Variants in VTI1A observed in about 807,000 individuals in gnomAD.
The protein encoded by VTI1A is vesicle transport through interaction with t-SNAREs 1A.
VTI1A carries 22 observed loss-of-function variants against 34.9 expected under a neutral mutation model. The ratio of observed to expected loss-of-function variants is 0.63; its 90% CI spans 0.45 to 0.90. The LOEUF is 0.90. Ranked by LOEUF, VTI1A falls within the 40% of genes least tolerant of loss-of-function variation. The pLI is 0.00. For synonymous variants in VTI1A, 87 were observed against 97.3 expected (o/e 0.89, Z 0.62); for missense variants, 268 against 275.6 (o/e 0.97, Z 0.20).
At chr10:112,769,483 C>T (rs76746558) in intron 7 of VTI1A, among the ~76,000 whole-genome samples, 3,535 of 152,262 alleles carry the variant, frequency 0.023, 151 homozygotes, top group African/African-American at 0.081. Context: ...TGGAATTTCC[C>T]TATCTTCATG....
At chr10:112,619,067 T>TTG (rs1045412640) in intron 5 of VTI1A, among the ~76,000 whole-genome samples, 8 of 151,732 alleles carry the variant, frequency 5.3e-5, no homozygotes, top group Non-Finnish European at 1.0e-4. Context: ...AACACAGTTT[T>TTG]TTTTTTTTTT....
At chr10:112,524,827 T>G (rs181535947) in intron 3 of VTI1A, among the ~76,000 whole-genome samples, 1 of 152,236 alleles carries the variant, frequency 6.6e-6, no homozygotes, top group Admixed American at 6.5e-5. Flanking sequence ...AGATGAATAA[T>G]TAAAAAGGCA....
At chr10:112,727,348 CT>C (rs1180748468) in intron 7 of VTI1A, among the ~76,000 whole-genome samples, 1 of 152,018 alleles carries the variant, frequency 6.6e-6, no homozygotes. Context: ...TTCAGTAAAT[CT>C]TTGCTGAAAG....
intron 7 of VTI1A, among the ~76,000 whole-genome samples, chr10:112,743,393 G>A (rs997547512): frequency 2.0e-5 from 3 of 152,160 alleles, no homozygotes; most frequent in Admixed American, 6.5e-5. Context: ...ATCATCTGGA[G>A]GTACTCGTAA....
chr10:112,683,918 C>T lies in VTI1A; in HGVS notation c.560+14920C>T, dbSNP rs186955429. ...ATTGGCCGGGCATATTGCTGGGTGC[C>T]TGTAATCGCAGCTACTCAGGAGGCT... is the stretch of plus-strand genomic sequence containing the variant. On this transcript the variant is annotated intron_variant, in intron 7 of 7. Coordinates refer to ENST00000393077, the MANE Select transcript of VTI1A (RefSeq NM_145206.4). Among the ~76,000 whole-genome samples the T allele has an allele frequency of 1.4e-3, 215 of 152,156 alleles. 1 individual carries two copies. The highest frequency in any genetic ancestry group is 4.6e-3 in the African/African-American group (192 of 41,538).
chr10:112,849,136 A>G, the VTI1A span, among the ~76,000 whole-genome samples: 1 of 152,226 alleles, frequency 6.6e-6, no homozygotes, highest in Non-Finnish European at 1.5e-5. Flanking sequence ...ACCAGTTACA[A>G]AAGTTATCAA....
At chr10:112,488,416 A>G (rs1014989804) in intron 3 of VTI1A, among the ~76,000 whole-genome samples, 2 of 152,212 alleles carry the variant, frequency 1.3e-5, no homozygotes, top group African/African-American at 4.8e-5. Context: ...CTATCATTAT[A>G]ATGCAGAGCT....
downstream of VTI1A, among the ~76,000 whole-genome samples, chr10:112,820,696 G>C (rs939812201): frequency 6.6e-6 from 1 of 152,252 alleles, no homozygotes; most frequent in Admixed American, 6.5e-5. Context: ...GCCAGGGTTA[G>C]TGTCCTGTTG....
At chr10:112,678,934 C>A (rs898723553) in intron 7 of VTI1A, among the ~76,000 whole-genome samples, 3 of 152,150 alleles carry the variant, frequency 2.0e-5, no homozygotes, top group Admixed American at 6.5e-5. Flanking sequence ...GTAATGCTGA[C>A]AATTCTGAGG....
intron 7 of VTI1A, among the ~76,000 whole-genome samples, chr10:112,770,355 C>T (rs1851770927): frequency 6.6e-6 from 1 of 152,034 alleles, no homozygotes; most frequent in South Asian, 2.1e-4. Flanking sequence ...CTGAAAGATG[C>T]AGCCTCATGA....
intron 4 of VTI1A, among the ~76,000 whole-genome samples, chr10:112,530,931 C>T (rs756975400): frequency 1.1e-4 from 16 of 152,058 alleles, no homozygotes; most frequent in South Asian, 2.1e-4. Context: ...ATTGTGTGTT[C>T]GACCCACGAT....
chr10:112,821,515 T>C (rs1315813944), downstream of VTI1A, among the ~76,000 whole-genome samples: 1 of 152,200 alleles, frequency 6.6e-6, no homozygotes, highest in Admixed American at 6.5e-5. Flanking sequence ...GAGTTGAGAA[T>C]GAACACATCC....
rs536082918 is a variant in VTI1A at position 112,528,503 on chromosome 10, G to A, written c.342+1339G>A. Among the ~76,000 whole-genome samples, 40 of 147,994 alleles carry A rather than the reference G, an allele frequency of 2.7e-4. No individual in the cohort carries two copies. In the Middle Eastern group the frequency reaches 0.01, roughly 38 times the overall value. ...GATTGAAATGTGAGAATAGCTAAAG[G>A]AAAAAAAAAATAGCACATCAAACAT... On this transcript the variant is annotated intron_variant, in intron 4 of 7. Transcript: ENST00000393077.
intron 7 of VTI1A, among the ~76,000 whole-genome samples, chr10:112,691,303 A>AAATG (rs1554943404): frequency 1.2e-3 from 172 of 147,836 alleles, no homozygotes; most frequent in African/African-American, 3.9e-3. Context: ...ATAAATAAAT[A>AAATG]AATGAAAGTT....
intron 5 of VTI1A, among the ~76,000 whole-genome samples, chr10:112,575,908 A>C (rs926505423): frequency 5.3e-5 from 8 of 152,052 alleles, no homozygotes; most frequent in African/African-American, 1.9e-4. Context: ...GCTTCCAATT[A>C]GCAATTTATT....
chr10:112,517,874 G>C (rs577765305), intron 3 of VTI1A, among the ~76,000 whole-genome samples: 1 of 152,034 alleles, frequency 6.6e-6, no homozygotes, highest in East Asian at 1.9e-4. Flanking sequence ...GTGGAGTCTT[G>C]GATGGGATCC....
intron 3 of VTI1A, among the ~76,000 whole-genome samples, chr10:112,492,437 A>G (rs2134128557): frequency 6.6e-6 from 1 of 152,320 alleles, no homozygotes; most frequent in Middle Eastern, 3.4e-3. Context: ...TTTTGATATT[A>G]TAACAGATTT....
the VTI1A span, among the ~76,000 whole-genome samples, chr10:112,848,983 A>G: frequency 1.3e-5 from 2 of 152,204 alleles, no homozygotes; most frequent in Admixed American, 6.5e-5. Flanking sequence ...AACTTTCTAC[A>G]TGCAGTTCCC....
chr10:112,702,120 G>C (rs1417763214), intron 7 of VTI1A, among the ~76,000 whole-genome samples: 1 of 152,036 alleles, frequency 6.6e-6, no homozygotes, highest in Non-Finnish European at 1.5e-5. Context: ...AGGGCTGTGG[G>C]GTGCAGCAGT....
Sources: allele counts gnomAD v4.1 joint callset (sites outside exome capture counted in the v4.1 genomes callset), GRCh38; gene constraint gnomAD v4.1.1; transcripts MANE v1.5; gene names NCBI Gene and HGNC (gene_info 2026-07-23, HGNC 2026-07-21).